The following FHIT variants were observed in gnomAD, a reference collection of about 807,000 sequenced individuals.
FHIT encodes bis(5'-adenosyl)-triphosphatase.
Under a neutral mutation model 17.9 loss-of-function variants are expected in FHIT, and 19 were observed. The ratio of observed to expected loss-of-function variants is 1.06; its 90% CI spans 0.74 to 1.56. The LOEUF (loss-of-function observed/expected upper bound fraction) is 1.56, where lower values mean the gene tolerates loss of function less well. Among genes scored for constraint, FHIT ranks in the 40% most tolerant of loss-of-function variants. FHIT has a pLI of 0.00. For synonymous variants in FHIT, 81 were observed against 69.7 expected (o/e 1.16, Z -0.81); for missense variants, 248 against 189.2 (o/e 1.31, Z -1.82).
chr3:60,169,300 T>C lies in FHIT; in HGVS notation c.104-155148A>G, dbSNP rs559578867. The stretch of plus-strand genomic sequence containing the variant: ...GATCTCACAGCTTTCAGGGGTACTG[T>C]AATACCCTGAAAACAGTGTGGTTAT... On this transcript the variant is annotated intron_variant, in intron 5 of 9. Transcript: ENST00000492590. Among the ~76,000 whole-genome samples, 3 of 152,244 alleles carry C rather than the reference T, an allele frequency of 2.0e-5. No homozygotes were observed. The South Asian group carries it at 6.2e-4, about 32-fold the overall frequency.
chr3:61,024,020 T>C (rs2032600623), intron 3 of FHIT, among the ~76,000 whole-genome samples: 1 of 152,088 alleles, frequency 6.6e-6, no homozygotes, highest in African/African-American at 2.4e-5. Flanking sequence ...AAATTATTCA[T>C]ACTATTTTCA....
At chr3:61,025,801 C>T (rs2032703063) in intron 3 of FHIT, among the ~76,000 whole-genome samples, 1 of 152,142 alleles carries the variant, frequency 6.6e-6, no homozygotes, top group East Asian at 1.9e-4. Context: ...TTTGGTGATT[C>T]TACGTAGCTT....
intron 4 of FHIT, among the ~76,000 whole-genome samples, chr3:60,779,520 C>G (rs1553725249): frequency 2.6e-5 from 4 of 152,250 alleles, no homozygotes; most frequent in African/African-American, 9.6e-5. Context: ...TAACCAAAGC[C>G]AAGCATCACG....
intron 5 of FHIT, among the ~76,000 whole-genome samples, chr3:60,245,116 G>A (rs1047969583): frequency 5.3e-5 from 8 of 152,022 alleles, no homozygotes; most frequent in Non-Finnish European, 1.2e-4. Context: ...CCCTAGGATA[G>A]AGAATATGGA....
chr3:59,915,682 A>G (rs1016969262), intron 8 of FHIT, among the ~76,000 whole-genome samples: 1 of 152,172 alleles, frequency 6.6e-6, no homozygotes, highest in Admixed American at 6.5e-5. Flanking sequence ...GCTCATGCCT[A>G]TAATCCCAGT....
chr3:59,982,139 A>T (rs1575812744), intron 7 of FHIT, among the ~76,000 whole-genome samples: 1 of 152,180 alleles, frequency 6.6e-6, no homozygotes, highest in Non-Finnish European at 1.5e-5. Context: ...ATAAATAGTG[A>T]TGTATGGTCT....
chr3:61,224,149 A>G (rs1167149095), intron 1 of FHIT, among the ~76,000 whole-genome samples: 1 of 152,244 alleles, frequency 6.6e-6, no homozygotes, highest in East Asian at 1.9e-4. Context: ...AAGGTCAGTG[A>G]AAAACAATAT....
At chr3:59,801,211 C>T (rs1046568321) in intron 8 of FHIT, among the ~76,000 whole-genome samples, 1 of 152,110 alleles carries the variant, frequency 6.6e-6, no homozygotes, top group Non-Finnish European at 1.5e-5. Flanking sequence ...TATGGCAATC[C>T]CATAACCCTA....
At chr3:60,388,675 C>A (rs1340555782) in intron 5 of FHIT, among the ~76,000 whole-genome samples, 1 of 152,196 alleles carries the variant, frequency 6.6e-6, no homozygotes, top group Non-Finnish European at 1.5e-5. Flanking sequence ...TCAAATCTCT[C>A]ACATATATAT....
intron 2 of FHIT, among the ~76,000 whole-genome samples, chr3:61,188,147 G>T (rs1264461597): frequency 6.6e-6 from 1 of 152,074 alleles, no homozygotes; most frequent in Non-Finnish European, 1.5e-5. Flanking sequence ...CCAGGAGCTG[G>T]TTTTTTGAAA....
intron 7 of FHIT, among the ~76,000 whole-genome samples, chr3:59,970,591 A>G (rs1207227456): frequency 3.3e-5 from 5 of 152,118 alleles, no homozygotes; most frequent in Non-Finnish European, 5.9e-5. Flanking sequence ...TTGGTGTCCA[A>G]TGTGTTATCT....
intron 4 of FHIT, among the ~76,000 whole-genome samples, chr3:60,601,384 T>C (rs782303760): frequency 1.3e-5 from 2 of 151,956 alleles, no homozygotes; most frequent in Non-Finnish European, 2.9e-5. Context: ...GCCCACAGAT[T>C]CCCCCTGTTA....
chr3:60,475,619 C>T (rs1344915382), intron 5 of FHIT, among the ~76,000 whole-genome samples: 4 of 152,198 alleles, frequency 2.6e-5, no homozygotes, highest in African/African-American at 9.6e-5. Flanking sequence ...TTTGTCATCA[C>T]TTTGATACCT....
chr3:59,936,480 G>A lies in FHIT; in HGVS notation c.280-14066C>T, dbSNP rs149434627. On this transcript the variant is annotated intron_variant, in intron 7 of 9. Transcript: ENST00000492590. ...TCTTTAATTTATGTTTCAATAAAAT[G>A]TATAATAATAAACATTTACTGCTCC... Among the ~76,000 whole-genome samples, 73 of 152,188 alleles carry A rather than the reference G, an allele frequency of 4.8e-4. 1 individual carries two copies. The highest frequency in any genetic ancestry group is 1.7e-3 in the African/African-American group (70 of 41,526).
chr3:60,571,165 G>A (rs775700542), intron 4 of FHIT, among the ~76,000 whole-genome samples: 18 of 151,186 alleles, frequency 1.2e-4, no homozygotes, highest in Non-Finnish European at 1.9e-4. Flanking sequence ...CCATCTCCCC[G>A]TCTCTACTAA....
intron 3 of FHIT, among the ~76,000 whole-genome samples, chr3:60,911,482 A>G (rs1553765879): frequency 6.6e-6 from 1 of 152,060 alleles, no homozygotes; most frequent in African/African-American, 2.4e-5. Flanking sequence ...AAGGTATTTG[A>G]GAGCTAAACA....
intron 5 of FHIT, among the ~76,000 whole-genome samples, chr3:60,510,022 C>T (rs1576785655): frequency 6.6e-6 from 1 of 152,166 alleles, no homozygotes; most frequent in Non-Finnish European, 1.5e-5. Flanking sequence ...ACAAAGAGCG[C>T]CCATCCCAGA....
intron 7 of FHIT, among the ~76,000 whole-genome samples, chr3:59,976,400 CACAA>C (rs577761513): frequency 2.2e-4 from 33 of 152,066 alleles, no homozygotes; most frequent in African/African-American, 6.3e-4. Context: ...ATACAAAAAA[CACAA>C]ACAAACAAAC....
chr3:60,543,835 C>A (rs2036266112), intron 4 of FHIT, among the ~76,000 whole-genome samples: 1 of 147,944 alleles, frequency 6.8e-6, no homozygotes, highest in Non-Finnish European at 1.5e-5. Flanking sequence ...AGCTCCGCTT[C>A]CCAGGTTCAA....
Sources: gnomAD v4.1 joint callset for allele counts (sites outside exome capture counted in the v4.1 genomes callset) on GRCh38, gnomAD v4.1.1 for gene constraint, MANE v1.5 for transcripts, NCBI Gene and HGNC (gene_info 2026-07-23, HGNC 2026-07-21) for gene names.